ROS1: variants seen among roughly 807,000 people sequenced by gnomAD.
ROS1 encodes ROS proto-oncogene 1, receptor tyrosine kinase, also known as proto-oncogene tyrosine-protein kinase ROS.
Under a neutral mutation model 273.5 loss-of-function variants are expected in ROS1, and 263 were observed. That is an observed-to-expected ratio of 0.96 (90% CI 0.87 to 1.06). The LOEUF (loss-of-function observed/expected upper bound fraction) is 1.06. Ranked by LOEUF, ROS1 falls within the 50% of genes least tolerant of loss-of-function variation. The pLI is 0.00. For synonymous variants in ROS1, 1,008 were observed against 954.1 expected (o/e 1.06, Z -1.04); for missense variants, 2,833 against 2,751.1 (o/e 1.03, Z -0.67).
chr6:117,378,635 G>A (rs1781536688), intron 18 of ROS1, among the ~76,000 whole-genome samples: 1 of 152,096 alleles, frequency 6.6e-6, no homozygotes, highest in East Asian at 1.9e-4. Flanking sequence ...GGAAGATGTA[G>A]AGATACCGAC....
intron 11 of ROS1, 53 bp from the exon 12 acceptor site, chr6:117,393,374 A>C: frequency 9.0e-7 from 1 of 1,105,892 alleles, no homozygotes. Context: ...ATACAGCATT[A>C]AATTCAGCCA....
At chr6:117,353,804 A>G (rs1280165354) in intron 26 of ROS1, among the ~76,000 whole-genome samples, 1 of 152,212 alleles carries the variant, frequency 6.6e-6, no homozygotes, top group Non-Finnish European at 1.5e-5. Flanking sequence ...TGAATGTGGA[A>G]AAGACTATGG....
intron 5 of ROS1, among the ~76,000 whole-genome samples, chr6:117,408,739 A>T (rs1774640322): frequency 6.6e-6 from 1 of 152,206 alleles, no homozygotes; most frequent in African/African-American, 2.4e-5. Flanking sequence ...ATTATAAATC[A>T]TGCTGCTATA....
chr6:117,410,558 A>C (rs1057026932), intron 4 of ROS1, among the ~76,000 whole-genome samples: 3 of 152,172 alleles, frequency 2.0e-5, no homozygotes, highest in Non-Finnish European at 4.4e-5. Flanking sequence ...CTCTTAACAG[A>C]TGCATTAACA....
intron 26 of ROS1, 39 bp from the exon 27 acceptor site, chr6:117,353,205 A>G: frequency 1.4e-6 from 2 of 1,397,600 alleles, no homozygotes; most frequent in Non-Finnish European, 1.9e-6. Flanking sequence ...GAACAAAATT[A>G]ATATCTTACA....
chr6:117,318,785 C>T (rs910341812), intron 37 of ROS1, among the ~76,000 whole-genome samples: 1 of 152,062 alleles, frequency 6.6e-6, no homozygotes, highest in African/African-American at 2.4e-5. Context: ...TGAACATGTA[C>T]ATCTCACACC....
Position 117,425,667 on chromosome 6 carries a change from A to G in ROS1, c.-11T>C. On this transcript the variant is annotated 5_prime_UTR_variant, in exon 1 of 44. Coordinates refer to ENST00000368507, the MANE Select transcript of ROS1 (RefSeq NM_001378902.1). ...GTAAATGTTCTTCATCACTTCACCA[A>G]TGGCAGATTTTTAGATGGCCGGTCT... 1 of 1,609,812 alleles carries G rather than the reference A, an allele frequency of 6.2e-7. No homozygotes were observed. The highest frequency in any genetic ancestry group is 2.2e-5 in the East Asian group (1 of 44,744).
At chr6:117,350,045 A>AAAC (rs1247586344) in intron 27 of ROS1, among the ~76,000 whole-genome samples, 6 of 147,960 alleles carry the variant, frequency 4.1e-5, no homozygotes, top group Non-Finnish European at 7.4e-5. Context: ...AGAAAAAGAA[A>AAAC]AACTTTTACT....
intron 4 of ROS1, 35 bp from the exon 5 acceptor site, chr6:117,409,677 C>T (rs1449411841): frequency 6.4e-7 from 1 of 1,568,406 alleles, no homozygotes; most frequent in Admixed American, 1.7e-5. Flanking sequence ...GTCAGGGCAG[C>T]CTTGATACTG....
chr6:117,407,405 T>C (rs766072269), intron 5 of ROS1, among the ~76,000 whole-genome samples: 2 of 152,152 alleles, frequency 1.3e-5, no homozygotes, highest in Non-Finnish European at 2.9e-5. Context: ...CAAAGCTACT[T>C]TGACATGCCC....
rs200558565 is a variant in ROS1 at position 117,288,667 on chromosome 6, C to G, written c.6851G>C (p.Gly2284Ala). The G allele has an allele frequency of 6.2e-7, 1 of 1,614,094 alleles. No homozygotes were observed. Among genetic ancestry groups the G allele is most frequent in the Non-Finnish European group, 8.5e-7 (1 of 1,180,008 alleles). Residue 2284 changes from glycine to alanine, a missense_variant, in exon 44 of 44, where the codon GGT (glycine) becomes GCT (alanine). Physicochemically the swap from Gly to Ala is moderately conservative, Grantham distance 60 (BLOSUM62 0). Coordinates refer to ENST00000368507, the MANE Select transcript of ROS1 (RefSeq NM_001378902.1). ...ECGQGEEKSE[G>A]PLGSQESESC... is the part of the protein sequence containing the mutation. ...TTCAGATTCCTGGGAGCCTAGAGGA[C>G]CCTCAGACTTTTCTTCACCTTGGCC...
Position 117,298,221 on chromosome 6 carries a change from G to C in ROS1, c.6715+2753C>G, listed in dbSNP as rs79743723. Among the ~76,000 whole-genome samples the C allele has an allele frequency of 2.3e-3, 352 of 152,192 alleles. 1 individual carries two copies. The highest frequency in any genetic ancestry group is 8.0e-3 in the African/African-American group (331 of 41,532). On this transcript the variant is annotated intron_variant, in intron 43 of 43. Transcript: ENST00000368507. ...GACAATGAAAACTTGAAAGGGTAAG[G>C]GTGTGGGAGAGTGAATAAGAAATTA... is the stretch of plus-strand genomic sequence containing the variant.
intron 29 of ROS1, 97 bp from the exon 30 acceptor site, chr6:117,341,729 T>G: frequency 2.4e-6 from 2 of 829,646 alleles, no homozygotes; most frequent in Non-Finnish European, 3.9e-6. Flanking sequence ...TCATGTGGTA[T>G]GAGCAGAATA....
intron 43 of ROS1, among the ~76,000 whole-genome samples, chr6:117,300,714 G>A (rs1370423039): frequency 1.3e-5 from 2 of 152,148 alleles, no homozygotes; most frequent in Non-Finnish European, 2.9e-5. Flanking sequence ...TGAAAATGTA[G>A]TCTAACATGT....
At chr6:117,290,905 T>A (rs1582519503) in intron 43 of ROS1, among the ~76,000 whole-genome samples, 2 of 152,318 alleles carry the variant, frequency 1.3e-5, no homozygotes, top group African/African-American at 4.8e-5. Context: ...ATGAAGACAG[T>A]CATTTTATTG....
intron 27 of ROS1, among the ~76,000 whole-genome samples, chr6:117,346,322 T>C (rs1374177750): frequency 3.3e-5 from 5 of 152,082 alleles, no homozygotes; most frequent in Admixed American, 3.3e-4. Flanking sequence ...CCAAGATAAC[T>C]TGTAATTGCT....
intron 18 of ROS1, among the ~76,000 whole-genome samples, chr6:117,375,550 CT>C (rs1419590895): frequency 6.6e-6 from 1 of 152,146 alleles, no homozygotes; most frequent in Non-Finnish European, 1.5e-5. Context: ...TAGAACCTAC[CT>C]GCACATGTAC....
intron 18 of ROS1, among the ~76,000 whole-genome samples, chr6:117,377,087 T>C (rs1781391984): frequency 6.6e-6 from 1 of 151,712 alleles, no homozygotes; most frequent in African/African-American, 2.4e-5. Context: ...AGTCCAGAAA[T>C]AGACCTACAC....
At chr6:117,357,242 T>C (rs920150421) in intron 25 of ROS1, among the ~76,000 whole-genome samples, 4 of 152,296 alleles carry the variant, frequency 2.6e-5, no homozygotes, top group Non-Finnish European at 4.4e-5. Flanking sequence ...CCATCTCTAT[T>C]CCCCTCCTCT....
Sources: allele counts gnomAD v4.1 joint callset (sites outside exome capture counted in the v4.1 genomes callset), GRCh38; gene constraint gnomAD v4.1.1; transcripts MANE v1.5; gene names NCBI Gene and HGNC (gene_info 2026-07-23, HGNC 2026-07-21).